The following PREX1 variants were observed in gnomAD, a reference collection of about 807,000 sequenced individuals.
PREX1 encodes the protein phosphatidylinositol-3,4,5-trisphosphate dependent Rac exchange factor 1.
In PREX1, 41 loss-of-function variants were observed where a neutral mutation model predicts 198.3. The observed-to-expected ratio is 0.21, with a 90% CI of 0.16 to 0.27. The LOEUF is 0.27. Among genes scored for constraint, PREX1 ranks in the 10% least tolerant of loss-of-function variants. PREX1 has a pLI of 1.00. For missense variants in PREX1, 1,620 were observed against 2,200.7 expected, an observed-to-expected ratio of 0.74 and a Z score of 5.28; for synonymous variants, 843 against 887.2, an observed-to-expected ratio of 0.95 and a Z score of 0.89.
the PREX1 span, among the ~76,000 whole-genome samples, chr20:48,845,254 T>C: frequency 6.6e-6 from 1 of 152,126 alleles, no homozygotes; most frequent in African/African-American, 2.4e-5. Flanking sequence ...AATTAACCCA[T>C]AACTGACAGC....
At chr20:48,745,700 C>T (rs544436681) in intron 2 of PREX1, among the ~76,000 whole-genome samples, 2 of 152,370 alleles carry the variant, frequency 1.3e-5, no homozygotes, top group East Asian at 3.9e-4. Flanking sequence ...TGTTTCCCCA[C>T]ATCAATCTAA....
chr20:48,778,296 A>T (rs997153752), intron 1 of PREX1, among the ~76,000 whole-genome samples: 1 of 152,176 alleles, frequency 6.6e-6, no homozygotes, highest in East Asian at 1.9e-4. Flanking sequence ...TATTATGGCC[A>T]GGCACAGTGG....
chr20:48,658,315 T>C, intron 16 of PREX1, 87 bp from the exon 17 acceptor site: 1 of 1,326,282 alleles, frequency 7.5e-7, no homozygotes, highest in South Asian at 1.3e-5. Flanking sequence ...GACCATGACC[T>C]CGTCCCAGGT....
chr20:48,693,781 T>A (rs1011635821), intron 7 of PREX1, among the ~76,000 whole-genome samples: 1 of 151,784 alleles, frequency 6.6e-6, no homozygotes, highest in Non-Finnish European at 1.5e-5. Context: ...CTAATTTTTT[T>A]ATATTTTTAG....
In PREX1 at chr20:48,627,948, C is replaced by G; in HGVS notation, c.4782G>C (p.Val1594=). The part of the protein sequence containing the change: ...GTGMQRSTLS[V]SLEQAAILAR... Reference sequence around the variant, plus strand: ...CCAAGATGGCCGCCTGCTCCAGGGACACGCTCAGGGTGCTCCTGCAGCAGG... The same window carrying G: ...CCAAGATGGCCGCCTGCTCCAGGGAGACGCTCAGGGTGCTCCTGCAGCAGG... Residue 1594 remains valine (V), a synonymous_variant, in exon 38 of 40, where the codon GTG becomes GTC. Transcript: ENST00000371941. 6.2e-7 allele frequency: 1 copy of G among 1,611,218 alleles called. No individual in the cohort carries two copies. The highest frequency in any genetic ancestry group is 1.1e-5 in the South Asian group (1 of 90,748).
chr20:48,744,074 C>T lies in PREX1; in HGVS notation c.414+951G>A, dbSNP rs550204912. On this transcript the variant is annotated intron_variant, in intron 3 of 39. Transcript: ENST00000371941. The stretch of plus-strand genomic sequence containing the variant: ...GAGTGCTGATACACCAAAGTTTCTC[C>T]ACCTTGGCACCACTGACATTTGAGG... Among the ~76,000 whole-genome samples the T allele has an allele frequency of 1.3e-3, 200 of 152,234 alleles. 2 individuals are homozygous for T. The highest frequency in any genetic ancestry group is 4.7e-3 in the African/African-American group (194 of 41,526).
chr20:48,724,894 A>C (rs2090002785), intron 5 of PREX1, among the ~76,000 whole-genome samples: 2 of 152,270 alleles, frequency 1.3e-5, no homozygotes, highest in Non-Finnish European at 1.5e-5. Context: ...CCTGAGCTAC[A>C]GCATTTCTAA....
the PREX1 span, among the ~76,000 whole-genome samples, chr20:48,845,531 G>C: frequency 6.6e-6 from 1 of 151,950 alleles, no homozygotes; most frequent in Admixed American, 6.6e-5. Context: ...GACGAAAAGT[G>C]TCTCTACAAC....
chr20:48,659,394 T>C (rs968873640), intron 16 of PREX1, among the ~76,000 whole-genome samples: 1 of 150,858 alleles, frequency 6.6e-6, no homozygotes, highest in Non-Finnish European at 1.5e-5. Flanking sequence ...AGAGGTTTAA[T>C]TTTATCCTAA....
At chr20:48,798,325 G>A (rs2090371894) in intron 1 of PREX1, among the ~76,000 whole-genome samples, 1 of 152,144 alleles carries the variant, frequency 6.6e-6, no homozygotes, top group Admixed American at 6.5e-5. Flanking sequence ...TGGACACTGA[G>A]GCAGCTACCT....
At chr20:48,656,236 C>T (rs1374557278) in intron 18 of PREX1, among the ~76,000 whole-genome samples, 1 of 152,158 alleles carries the variant, frequency 6.6e-6, no homozygotes, top group Non-Finnish European at 1.5e-5. Context: ...ATGCTTTGCT[C>T]CCCGGTACCT....
chr20:48,713,583 A>G (rs1568835978), intron 5 of PREX1, among the ~76,000 whole-genome samples: 1 of 152,136 alleles, frequency 6.6e-6, no homozygotes, highest in Non-Finnish European at 1.5e-5. Flanking sequence ...AAAAAATTTT[A>G]AAAACTTAGC....
chr20:48,886,973 T>C, the PREX1 span, among the ~76,000 whole-genome samples: 14 of 152,214 alleles, frequency 9.2e-5, no homozygotes, highest in Non-Finnish European at 1.0e-4. Flanking sequence ...AGCAATATAG[T>C]ATCTCATTTA....
At chr20:48,692,589 A>T (rs577942296) in intron 8 of PREX1, 83 bp downstream of exon 8, 50 of 1,174,268 alleles carry the variant, frequency 4.3e-5, no homozygotes, top group Admixed American at 8.9e-5. Context: ...AAAAGAAAAA[A>T]ATATATTTAA....
the PREX1 span, among the ~76,000 whole-genome samples, chr20:48,864,218 G>A: frequency 6.6e-6 from 1 of 152,196 alleles, no homozygotes; most frequent in Non-Finnish European, 1.5e-5. Context: ...GAGAGGAAAT[G>A]ACAAGTTCTC....
intron 16 of PREX1, among the ~76,000 whole-genome samples, chr20:48,658,685 G>C (rs932849421): frequency 1.2e-4 from 18 of 152,222 alleles, no homozygotes; most frequent in Non-Finnish European, 8.8e-5. Context: ...GCCCTGCTTA[G>C]TGCGGGAGGC....
At chr20:48,821,188 C>T (rs957671926) in intron 1 of PREX1, among the ~76,000 whole-genome samples, 1 of 151,808 alleles carries the variant, frequency 6.6e-6, no homozygotes, top group Admixed American at 6.6e-5. Context: ...GGCGACAGTA[C>T]AAGACTCCAT....
intron 37 of PREX1, among the ~76,000 whole-genome samples, chr20:48,628,597 G>A (rs763890564): frequency 2.0e-5 from 3 of 152,180 alleles, no homozygotes; most frequent in Non-Finnish European, 4.4e-5. Flanking sequence ...AAGGCCAGGA[G>A]CTCCTCCCTC....
chr20:48,652,565 A>G, intron 21 of PREX1, 21 bp downstream of exon 21: 1 of 1,592,298 alleles, frequency 6.3e-7, no homozygotes, highest in Non-Finnish European at 8.6e-7. Flanking sequence ...AGCTCCTGTC[A>G]TGCCATGCCC....
Sources: allele counts gnomAD v4.1 joint callset (sites outside exome capture counted in the v4.1 genomes callset), GRCh38; gene constraint gnomAD v4.1.1; transcripts MANE v1.5; gene names NCBI Gene and HGNC (gene_info 2026-07-23, HGNC 2026-07-21).